Variants in UVRAG observed in about 807,000 individuals in gnomAD.
UVRAG encodes the protein UV radiation resistance-associated gene protein.
In UVRAG, 19 loss-of-function variants were observed where a neutral mutation model predicts 78.0. The observed-to-expected ratio is 0.24, with a 90% CI of 0.17 to 0.36. UVRAG has a LOEUF of 0.36. Ranked by LOEUF, UVRAG falls within the 10% of genes least tolerant of loss-of-function variation. The probability of loss-of-function intolerance (pLI) is 1.00; values close to 1 mark genes in which losing one functional copy is unlikely to be tolerated. For missense variants in UVRAG, 740 were observed against 853.8 expected, an observed-to-expected ratio of 0.87 and a Z score of 1.66; for synonymous variants, 323 against 324.6, an observed-to-expected ratio of 1.00 and a Z score of 0.05.
chr11:75,871,634 T>C (rs927325984), intron 3 of UVRAG, among the ~76,000 whole-genome samples: 1 of 152,224 alleles, frequency 6.6e-6, no homozygotes, highest in Non-Finnish European at 1.5e-5. Flanking sequence ...GTTCATGTTG[T>C]ATATAGTAGT....
At chr11:76,063,707 T>C (rs1004056019) in intron 12 of UVRAG, among the ~76,000 whole-genome samples, 1 of 152,226 alleles carries the variant, frequency 6.6e-6, no homozygotes, top group African/African-American at 2.4e-5. Context: ...AATGTAATAC[T>C]CCTTTAATGA....
chr11:75,987,352 C>T (rs1484153541), intron 8 of UVRAG, among the ~76,000 whole-genome samples: 2 of 152,190 alleles, frequency 1.3e-5, no homozygotes, highest in Admixed American at 6.5e-5. Flanking sequence ...TAATGACTTA[C>T]ATGCTTCTTA....
intron 7 of UVRAG, among the ~76,000 whole-genome samples, chr11:75,964,804 T>C (rs1948983114): frequency 2.0e-5 from 3 of 152,180 alleles, no homozygotes; most frequent in Admixed American, 1.3e-4. Flanking sequence ...TACGTAAGGG[T>C]AATTTTTTCC....
intron 4 of UVRAG, among the ~76,000 whole-genome samples, chr11:75,885,985 T>G (rs557032500): frequency 2.6e-5 from 4 of 152,290 alleles, no homozygotes; most frequent in African/African-American, 9.6e-5. Context: ...AAATGTTTTC[T>G]GGTTTTTGGC....
At chr11:75,895,546 C>T (rs553644979) in intron 5 of UVRAG, among the ~76,000 whole-genome samples, 1 of 151,680 alleles carries the variant, frequency 6.6e-6, no homozygotes, top group South Asian at 2.1e-4. Flanking sequence ...TCAGTAACCT[C>T]TTCTGGCATT....
chr11:75,841,863 C>G (rs1406467038), intron 1 of UVRAG, among the ~76,000 whole-genome samples: 1 of 152,140 alleles, frequency 6.6e-6, no homozygotes. Context: ...CAAACAAAAC[C>G]TGAGTGGCTT....
At chr11:76,129,933 GCT>G (rs375415060) in intron 14 of UVRAG, among the ~76,000 whole-genome samples, 9 of 144,878 alleles carry the variant, frequency 6.2e-5, no homozygotes, top group African/African-American at 8.0e-5. Flanking sequence ...ACTCTCTCTC[GCT>G]CTCTCTCTCT....
At chr11:75,900,585 G>A (rs922224291) in intron 5 of UVRAG, among the ~76,000 whole-genome samples, 2 of 152,152 alleles carry the variant, frequency 1.3e-5, no homozygotes, top group Non-Finnish European at 2.9e-5. Context: ...AGTGAATGAA[G>A]TCTACTAGGA....
At chr11:75,913,274 GA>G (rs1565376975) in intron 6 of UVRAG, among the ~76,000 whole-genome samples, 2 of 152,064 alleles carry the variant, frequency 1.3e-5, no homozygotes, top group African/African-American at 4.8e-5. Flanking sequence ...AGAATTAAAA[GA>G]AAAAATACTA....
intron 2 of UVRAG, among the ~76,000 whole-genome samples, chr11:75,853,743 GATTT>G (rs996559905): frequency 1.2e-4 from 18 of 151,100 alleles, no homozygotes; most frequent in East Asian, 3.9e-4. Context: ...CCATTGCATG[GATTT>G]ATTTATTTAT....
intron 12 of UVRAG, among the ~76,000 whole-genome samples, chr11:76,036,265 T>C (rs1565130332): frequency 1.3e-5 from 2 of 152,160 alleles, no homozygotes; most frequent in Admixed American, 1.3e-4. Flanking sequence ...AACGTTAAAT[T>C]AGGCTGGGCA....
chr11:75,981,324 C>G (rs186002131), intron 7 of UVRAG, among the ~76,000 whole-genome samples: 1 of 152,100 alleles, frequency 6.6e-6, no homozygotes, highest in African/African-American at 2.4e-5. Flanking sequence ...GTTGGCCAGG[C>G]TGGTCTCAAA....
chr11:76,140,090 C>T (rs60567013), intron 14 of UVRAG, among the ~76,000 whole-genome samples: 2 of 13,888 alleles, frequency 1.4e-4, no homozygotes, highest in African/African-American at 9.4e-4. Context: ...TCCCCCTCTC[C>T]CCCTCCCTCC....
chr11:76,141,219 A>T lies in UVRAG; in HGVS notation c.1906A>T (p.Ile636Phe), dbSNP rs765849842. 5.0e-6 allele frequency: 8 copies of T among 1,614,044 alleles called. No individual in the cohort carries two copies. The East Asian group carries it at 6.7e-5, about 13-fold the overall frequency. ...CCTVEQAEEI[I>F]GLEATGFASG... ...TACTGTGGAGCAAGCAGAAGAAATC[A>T]TCGGGCTGGAAGCCACAGGTTTCGC... Residue 636 changes from isoleucine to phenylalanine, a missense_variant, in exon 15 of 15, where the codon ATC becomes TTC. Ile to Phe is a conservative substitution (Grantham distance 21). Transcript: ENST00000356136.
At chr11:75,884,240 T>TTTCTCTCTCTCTC (rs1555080663) in intron 4 of UVRAG, among the ~76,000 whole-genome samples, 1 of 132,470 alleles carries the variant, frequency 7.5e-6, no homozygotes, top group African/African-American at 3.2e-5. Context: ...CTCTCTCTCT[T>TTTCTCTCTCTCTC]TCTCTCTCTC....
At chr11:76,114,283 A>G (rs1239552064) in intron 13 of UVRAG, among the ~76,000 whole-genome samples, 1 of 151,984 alleles carries the variant, frequency 6.6e-6, no homozygotes, top group Non-Finnish European at 1.5e-5. Flanking sequence ...AGATCTTATA[A>G]TTCAAGGTCT....
At chr11:75,983,720 A>AACT in intron 8 of UVRAG, 2 of 584,360 alleles carry the variant, frequency 3.4e-6, no homozygotes, top group Non-Finnish European at 5.4e-6. Flanking sequence ...AGATGGTATA[A>AACT]ACTACTACTA....
In UVRAG at chr11:76,089,757, A is replaced by G. The variant is rs574986827; in HGVS notation, c.1305+23969A>G. Among the ~76,000 whole-genome samples, 9 of 152,298 alleles carry G rather than the reference A, an allele frequency of 5.9e-5. No homozygotes were observed. In the South Asian group the frequency reaches 1.7e-3, roughly 28 times the overall value. ...GCCTCTAAATAATTTGATAATGTTG[A>G]TGCTTCTTGGATTTTGTTCGATTTC... On this transcript the variant is annotated intron_variant, in intron 13 of 14. Transcript: ENST00000356136.
chr11:75,865,273 G>A (rs1590948957), intron 3 of UVRAG, among the ~76,000 whole-genome samples: 1 of 127,940 alleles, frequency 7.8e-6, no homozygotes, highest in East Asian at 2.5e-4. Context: ...GGCAACAAGA[G>A]TGAAACTCCA....
Sources: allele counts gnomAD v4.1 joint callset (sites outside exome capture counted in the v4.1 genomes callset), GRCh38; gene constraint gnomAD v4.1.1; transcripts MANE v1.5; gene names NCBI Gene and HGNC (gene_info 2026-07-23, HGNC 2026-07-21).